Variants in AK8 observed in about 807,000 individuals in gnomAD.
AK8 encodes the protein adenylate kinase 8.
Under a neutral mutation model 54.6 loss-of-function variants are expected in AK8, and 44 were observed. That is an observed-to-expected ratio of 0.81 (90% CI 0.63 to 1.04). AK8 has a LOEUF of 1.04. Among genes scored for constraint, AK8 ranks in the 50% least tolerant of loss-of-function variants. The pLI, the probability that AK8 is intolerant of heterozygous loss-of-function variation, is 0.00. For missense variants in AK8, 555 were observed against 613.6 expected (o/e 0.90, Z 1.01); for synonymous variants, 239 against 245.6 (o/e 0.97, Z 0.25).
chr9:132,758,845 TAAAAC>T (rs1333102862), intron 11 of AK8, among the ~76,000 whole-genome samples: 2 of 152,068 alleles, frequency 1.3e-5, no homozygotes, highest in Non-Finnish European at 2.9e-5. Flanking sequence ...CTTAAAAAAA[TAAAAC>T]AAAACAGCCT....
At position 132,867,016 on chromosome 9, in the gene AK8, G is replaced by A. The variant is rs1311336219; in HGVS notation, c.170-63C>T. On this transcript the variant is annotated intron_variant, in intron 2 of 12. Coordinates refer to ENST00000298545, the MANE Select transcript of AK8 (RefSeq NM_152572.3). ...TGACAAGCAGCCTCCCACACCTGCG[G>A]TACTCGGGGTGTACTTATTTCTCCC... The A allele has an allele frequency of 2.0e-6, 3 of 1,483,522 alleles. No homozygotes were observed. The Admixed American group carries it at 5.0e-5, about 25-fold the overall frequency. 91.9% of individuals were successfully genotyped at this position (1,483,522 alleles called of 1,614,324 possible).
At chr9:132,776,428 A>G (rs1839221587) in intron 11 of AK8, among the ~76,000 whole-genome samples, 1 of 152,240 alleles carries the variant, frequency 6.6e-6, no homozygotes, top group Admixed American at 6.5e-5. Context: ...CTGCTCTGAG[A>G]GTCCCGAGAG....
intron 7 of AK8, chr9:132,827,795 A>C (rs1407757828): frequency 1.8e-6 from 1 of 544,848 alleles, no homozygotes; most frequent in East Asian, 3.1e-5. Flanking sequence ...GCCACAAGAA[A>C]GTCTCCTCCT....
At chr9:132,802,933 A>T (rs1436508665) in intron 10 of AK8, among the ~76,000 whole-genome samples, 3 of 152,166 alleles carry the variant, frequency 2.0e-5, no homozygotes, top group Admixed American at 6.5e-5. Context: ...TACTTGGGGG[A>T]CATACCCAAG....
At chr9:132,795,276 T>C (rs1342306385) in intron 10 of AK8, among the ~76,000 whole-genome samples, 1 of 152,072 alleles carries the variant, frequency 6.6e-6, no homozygotes, top group Non-Finnish European at 1.5e-5. Flanking sequence ...AGCTGGCATG[T>C]TGTCTTGCAT....
intron 11 of AK8, among the ~76,000 whole-genome samples, chr9:132,759,128 C>T (rs1204482216): frequency 6.9e-6 from 1 of 145,508 alleles, no homozygotes. Context: ...CCTGGGAGGT[C>T]GAGGCTGCAA....
At chr9:132,785,901 G>C (rs1159640512) in intron 11 of AK8, among the ~76,000 whole-genome samples, 1 of 152,190 alleles carries the variant, frequency 6.6e-6, no homozygotes, top group Non-Finnish European at 1.5e-5. Context: ...GATAAAAATG[G>C]CTTCTTGAAA....
chr9:132,829,627 C>T (rs1842027457), intron 5 of AK8, among the ~76,000 whole-genome samples: 1 of 151,872 alleles, frequency 6.6e-6, no homozygotes, highest in Non-Finnish European at 1.5e-5. Context: ...ACGATGATTC[C>T]GGTTTCTACT....
chr9:132,871,012 G>A (rs529201935), intron 2 of AK8, among the ~76,000 whole-genome samples: 8 of 152,296 alleles, frequency 5.3e-5, no homozygotes, highest in South Asian at 4.1e-4. Context: ...TTGGGAGGCC[G>A]AGGCGGGTGG....
At position 132,725,868 on chromosome 9, in the gene AK8, C is replaced by G; in HGVS notation, c.1260G>C (p.Gln420His). 2.5e-6 allele frequency: 4 copies of G among 1,611,086 alleles called. No individual in the cohort carries two copies. Among genetic ancestry groups the G allele is most frequent in the Non-Finnish European group, 3.4e-6 (4 of 1,179,214 alleles). ...CCTGCTCTTCAGCATCCTTTGGGTT[C>G]TGCAGGAGGCGAGCCTGGATCTCCA... Reference protein sequence around the residue: ...PTMEIQARLLQNPKDAEEQVK... With the variant: ...PTMEIQARLLHNPKDAEEQVK... The change falls in exon 13 of 13, where the codon CAG becomes CAC. Residue 420 changes from glutamine to histidine, a missense_variant. Coordinates refer to ENST00000298545, the MANE Select transcript of AK8 (RefSeq NM_152572.3).
At chr9:132,732,397 T>C (rs1457798191) in intron 11 of AK8, among the ~76,000 whole-genome samples, 1 of 152,148 alleles carries the variant, frequency 6.6e-6, no homozygotes, top group African/African-American at 2.4e-5. Flanking sequence ...TCTATGGCAT[T>C]CAGGATTATA....
intron 11 of AK8, among the ~76,000 whole-genome samples, chr9:132,778,922 G>A (rs186730688): frequency 0.011 from 1,705 of 150,092 alleles, 17 homozygotes; most frequent in Middle Eastern, 0.044. Context: ...GAACAAAAGG[G>A]CAATTTTGTC....
intron 10 of AK8, among the ~76,000 whole-genome samples, chr9:132,809,929 C>T (rs1029273858): frequency 6.6e-6 from 1 of 152,218 alleles, no homozygotes; most frequent in African/African-American, 2.4e-5. Flanking sequence ...ACCTTCCCTT[C>T]AAAACCAAAT....
intron 3 of AK8, among the ~76,000 whole-genome samples, chr9:132,864,760 C>T (rs910149563): frequency 1.5e-4 from 23 of 152,306 alleles, no homozygotes; most frequent in African/African-American, 5.1e-4. Flanking sequence ...TGGGACTTGC[C>T]GAAAGCAGGT....
intron 11 of AK8, among the ~76,000 whole-genome samples, chr9:132,732,063 G>T (rs533679943): frequency 1.3e-5 from 2 of 152,250 alleles, no homozygotes; most frequent in East Asian, 3.9e-4. Flanking sequence ...TAGTGTACCT[G>T]AGTGTTTATG....
intron 11 of AK8, among the ~76,000 whole-genome samples, chr9:132,754,973 A>G (rs1277157802): frequency 6.6e-6 from 1 of 151,780 alleles, no homozygotes; most frequent in Admixed American, 6.6e-5. Flanking sequence ...CTAATTTTGT[A>G]TTTTTAGTAG....
chr9:132,831,059 T>C (rs967930272), intron 5 of AK8, among the ~76,000 whole-genome samples: 13 of 152,246 alleles, frequency 8.5e-5, no homozygotes, highest in African/African-American at 1.4e-4. Context: ...AGGACACTTA[T>C]CACAGTCTAA....
At chr9:132,867,682 C>T (rs1843660950) in intron 2 of AK8, among the ~76,000 whole-genome samples, 1 of 152,232 alleles carries the variant, frequency 6.6e-6, no homozygotes, top group South Asian at 2.1e-4. Flanking sequence ...GCATTTTCAG[C>T]TTCTGGGGTG....
In AK8 at chr9:132,781,268, A is replaced by G. The variant is rs1839457887; in HGVS notation, c.1121+11366T>C. ...TTTTTTTCCTTCTTTTCGACAGATC[A>G]ATTACTTGGTTTGTTTCCCTTACTG... On this transcript the variant is annotated intron_variant, in intron 11 of 12. Transcript: ENST00000298545. This position sits in a 1 kb window ranked among gnomAD's most constrained non-coding sequence, Gnocchi z 4.6. Among the ~76,000 whole-genome samples the G allele has an allele frequency of 1.3e-5, 2 of 151,866 alleles. No individual in the cohort carries two copies. The highest frequency in any genetic ancestry group is 1.9e-4 in the East Asian group (1 of 5,192).
Sources: allele counts gnomAD v4.1 joint callset (sites outside exome capture counted in the v4.1 genomes callset), GRCh38; gene constraint gnomAD v4.1.1; non-coding constraint Gnocchi (gnomAD v3.1); transcripts MANE v1.5; gene names NCBI Gene and HGNC (gene_info 2026-07-23, HGNC 2026-07-21).